TTC28: variants seen among roughly 807,000 people sequenced by gnomAD.
TTC28 encodes tetratricopeptide repeat protein 28.
In TTC28, 61 loss-of-function variants were observed where a neutral mutation model predicts 198.0. The observed-to-expected ratio is 0.31, with a 90% CI of 0.25 to 0.38. TTC28 has a LOEUF of 0.38. TTC28 is among the 10% of genes least tolerant of loss of function. TTC28 has a pLI of 1.00. For missense variants in TTC28, 2,678 were observed against 3,164.0 expected, an observed-to-expected ratio of 0.85 and a Z score of 3.69; for synonymous variants, 1,171 against 1,297.8, an observed-to-expected ratio of 0.90 and a Z score of 2.10.
intron 5 of TTC28, among the ~76,000 whole-genome samples, chr22:28,225,364 AAG>A (rs1491292890): frequency 3.5e-5 from 3 of 85,656 alleles, no homozygotes; most frequent in African/African-American, 1.7e-4. Flanking sequence ...TAAAAAAAAA[AAG>A]AAAAGAAGAA....
chr22:28,388,738 T>G (rs1318962208), intron 2 of TTC28, among the ~76,000 whole-genome samples: 3 of 152,224 alleles, frequency 2.0e-5, no homozygotes, highest in African/African-American at 7.2e-5. Context: ...AAGGAGATTT[T>G]GGGCTGAGAC....
chr22:28,573,115 A>G (rs1011124160), intron 2 of TTC28, among the ~76,000 whole-genome samples: 8 of 140,090 alleles, frequency 5.7e-5, no homozygotes, highest in African/African-American at 2.2e-4. Flanking sequence ...GAGTGAGACC[A>G]TGTCTCAAAA....
chr22:28,029,312 T>A (rs1938976345), intron 13 of TTC28, among the ~76,000 whole-genome samples: 1 of 151,990 alleles, frequency 6.6e-6, no homozygotes, highest in Admixed American at 6.6e-5. Flanking sequence ...AGCACAATAA[T>A]GAGAGGAAAC....
At chr22:28,335,629 GCTCT>G (rs1173964410) in intron 2 of TTC28, among the ~76,000 whole-genome samples, 3 of 152,024 alleles carry the variant, frequency 2.0e-5, no homozygotes, top group South Asian at 2.1e-4. Context: ...TCATGATTTG[GCTCT>G]CTGTTTGTCT....
intron 10 of TTC28, among the ~76,000 whole-genome samples, chr22:28,097,414 TC>T (rs1302928135): frequency 2.6e-5 from 4 of 152,200 alleles, no homozygotes; most frequent in Middle Eastern, 3.2e-3. Context: ...TTTTTCCTTA[TC>T]CCCATGGGAA....
chr22:28,387,241 C>T (rs573850839), intron 2 of TTC28, among the ~76,000 whole-genome samples: 3 of 152,304 alleles, frequency 2.0e-5, no homozygotes, highest in South Asian at 2.1e-4. Context: ...TCCAGTCTAT[C>T]ATCGTTGGAC....
At chr22:28,290,392 G>T (rs1054225784) in intron 5 of TTC28, among the ~76,000 whole-genome samples, 5 of 152,068 alleles carry the variant, frequency 3.3e-5, no homozygotes, top group African/African-American at 1.2e-4. Context: ...ACTGCTGTTT[G>T]GGAGTGTTCT....
chr22:28,534,957 A>C (rs2049234738), intron 2 of TTC28, among the ~76,000 whole-genome samples: 1 of 152,048 alleles, frequency 6.6e-6, no homozygotes, highest in South Asian at 2.1e-4. Context: ...GATATACCTA[A>C]TGTAAATGAG....
At chr22:28,648,221 C>CAAAAAA (rs34510876) in intron 1 of TTC28, among the ~76,000 whole-genome samples, 1 of 62,472 alleles carries the variant, frequency 1.6e-5, no homozygotes. Context: ...GAGACTCTGT[C>CAAAAAA]AAAAAAAAAA....
At chr22:28,361,249 C>G (rs1025248866) in intron 2 of TTC28, among the ~76,000 whole-genome samples, 1 of 152,186 alleles carries the variant, frequency 6.6e-6, no homozygotes, top group African/African-American at 2.4e-5. Context: ...AGGCTAAAAG[C>G]TAGGCCTCTT....
intron 1 of TTC28, among the ~76,000 whole-genome samples, chr22:28,642,750 CAG>C (rs1313650098): frequency 6.6e-6 from 1 of 152,120 alleles, no homozygotes; most frequent in Non-Finnish European, 1.5e-5. Context: ...AGTAAAAGGT[CAG>C]AGAGGTAACT....
At position 27,982,383 on chromosome 22, in the gene TTC28, G is replaced by A. The variant is rs1288049526; in HGVS notation, c.7284C>T (p.Ala2428=). 6.4e-7 allele frequency: 1 copy of A among 1,551,334 alleles called. No individual in the cohort carries two copies. Residue 2428 remains alanine (A), a synonymous_variant, in exon 23 of 23, where the codon GCC becomes GCT. Transcript: ENST00000397906. This position sits in a 1 kb window ranked among gnomAD's most constrained non-coding sequence, Gnocchi z 5.2. ...LQQHDGAPPK[A]PPNGHWRTET... ...CGGTGCGCCAGTGTCCGTTGGGAGG[G>A]GCTTTCGGTGGAGCTCCGTCATGCT...
At chr22:28,133,022 G>A (rs1943095354) in intron 6 of TTC28, among the ~76,000 whole-genome samples, 1 of 152,190 alleles carries the variant, frequency 6.6e-6, no homozygotes, top group Non-Finnish European at 1.5e-5. Context: ...TCAGGAGTTT[G>A]AGACCACCTG....
At chr22:28,255,883 ATTGT>A (rs1231001817) in intron 5 of TTC28, among the ~76,000 whole-genome samples, 2 of 151,998 alleles carry the variant, frequency 1.3e-5, no homozygotes, top group East Asian at 1.9e-4. Flanking sequence ...CTATTTTTGG[ATTGT>A]TTGTTATAGT....
chr22:28,210,671 C>A (rs1166573007), intron 5 of TTC28, among the ~76,000 whole-genome samples: 1 of 152,098 alleles, frequency 6.6e-6, no homozygotes, highest in Non-Finnish European at 1.5e-5. Flanking sequence ...GATTGGTGTA[C>A]CTGAAAGTGA....
Position 27,993,678 on chromosome 22 carries a change from A to T in TTC28, c.5245-160T>A, listed in dbSNP as rs530868273. 1.7e-5 allele frequency: 11 copies of T among 660,852 alleles called. 1 individual carries two copies. The highest frequency in any genetic ancestry group is 1.4e-4 in the South Asian group (7 of 50,054). 40.9% of individuals were successfully genotyped at this position (660,852 alleles called of 1,614,324 possible). On this transcript the variant is annotated intron_variant, in intron 17 of 22. Transcript: ENST00000397906. ...CTGAGGATGTGACACTGGGGCACTGACTAGGCATCTTGCAAGGGAGGGCAC... is the reference window on the plus strand; with the variant it reads ...CTGAGGATGTGACACTGGGGCACTGTCTAGGCATCTTGCAAGGGAGGGCAC...
At chr22:28,530,342 A>C (rs1349569855) in intron 2 of TTC28, among the ~76,000 whole-genome samples, 1 of 152,212 alleles carries the variant, frequency 6.6e-6, no homozygotes, top group Non-Finnish European at 1.5e-5. Context: ...AAATGAAGCG[A>C]GAAGACAAGT....
Position 28,128,736 on chromosome 22 carries a change from C to T in TTC28, c.1442-20333G>A, listed in dbSNP as rs182525642. On this transcript the variant is annotated intron_variant, in intron 6 of 22. Coordinates refer to ENST00000397906, the MANE Select transcript of TTC28 (RefSeq NM_001145418.2). ...ATATTTTTTGGTAAATATGGGGTTT[C>T]ACCATGTTGCCCAGGCTTGTCTCAA... Among the ~76,000 whole-genome samples, 39 of 152,172 alleles carry T rather than the reference C, an allele frequency of 2.6e-4. No individual in the cohort carries two copies. The East Asian group carries it at 7.6e-3, about 29-fold the overall frequency.
intron 2 of TTC28, among the ~76,000 whole-genome samples, chr22:28,622,711 G>C (rs892752573): frequency 6.6e-6 from 1 of 152,092 alleles, no homozygotes; most frequent in Non-Finnish European, 1.5e-5. Flanking sequence ...GTCCAAAAGA[G>C]ATGAATGTTA....
Sources: allele counts gnomAD v4.1 joint callset (sites outside exome capture counted in the v4.1 genomes callset), GRCh38; gene constraint gnomAD v4.1.1; non-coding constraint Gnocchi (gnomAD v3.1); transcripts MANE v1.5; gene names NCBI Gene and HGNC (gene_info 2026-07-23, HGNC 2026-07-21).